Variants in DHX57 observed in about 807,000 individuals in gnomAD.
DHX57 encodes DExH-box helicase 57.
A neutral mutation model predicts 156.2 loss-of-function variants in DHX57; 105 were observed. The observed-to-expected ratio is 0.67, with a 90% CI of 0.57 to 0.79. DHX57 has a LOEUF of 0.79. DHX57 is among the 30% of genes least tolerant of loss of function. The pLI, the probability that DHX57 is intolerant of heterozygous loss-of-function variation, is 0.00. For missense variants in DHX57, 1,847 were observed against 1,661.9 expected (o/e 1.11, Z -1.94); for synonymous variants, 704 against 595.6 (o/e 1.18, Z -2.65).
chr2:38,823,732 C>A (rs1670945885), intron 16 of DHX57, among the ~76,000 whole-genome samples: 1 of 152,178 alleles, frequency 6.6e-6, no homozygotes. Context: ...TGCAGAGAGG[C>A]CACGCGCAGT....
intron 1 of DHX57, 25 bp from the exon 2 acceptor site, chr2:38,868,436 G>A (rs751607442): frequency 6.9e-6 from 11 of 1,604,418 alleles, no homozygotes; most frequent in Non-Finnish European, 9.4e-6. Context: ...AATTAATGTA[G>A]ACATCATAAA....
intron 4 of DHX57, 41 bp from the exon 5 acceptor site, chr2:38,861,878 C>T (rs1216360959): frequency 6.6e-6 from 10 of 1,524,106 alleles, no homozygotes; most frequent in African/African-American, 1.4e-5. Context: ...ACATAAAAAG[C>T]AGTATCACAC....
At chr2:38,805,798 C>A (rs1669907736) in intron 22 of DHX57, among the ~76,000 whole-genome samples, 1 of 151,948 alleles carries the variant, frequency 6.6e-6, no homozygotes, top group Non-Finnish European at 1.5e-5. Context: ...TGTTTTCCAG[C>A]AGGAGAGCTC....
intron 1 of DHX57, among the ~76,000 whole-genome samples, chr2:38,873,794 A>T (rs185424631): frequency 2.0e-5 from 3 of 152,256 alleles, no homozygotes; most frequent in African/African-American, 7.2e-5. Flanking sequence ...AAACAAATAG[A>T]TATATATTAT....
rs768692980 is a variant in DHX57, at chr2:38,826,467, A to C, written c.2813+49T>G. On this transcript the variant is annotated intron_variant, in intron 15 of 23. Coordinates refer to ENST00000457308, the MANE Select transcript of DHX57 (RefSeq NM_198963.3). ...TAGCCACTAACAACGGTGTCTCCCT[A>C]AATGAAGCATTTTTAGCCCCTCTCT... 3.8e-6 allele frequency: 6 copies of C among 1,591,936 alleles called. 1 individual carries two copies. In the South Asian group the frequency reaches 6.8e-5, roughly 18 times the overall value.
chr2:38,802,670 C>A, intron 23 of DHX57, 45 bp downstream of exon 23: 1 of 1,606,930 alleles, frequency 6.2e-7, no homozygotes, highest in African/African-American at 1.3e-5. Context: ...TTGTCAAAGC[C>A]CCTCATGGCC....
In DHX57 at chr2:38,807,858, C is replaced by G. The variant is rs536766663; in HGVS notation, c.3682-1165G>C. ...AAGTGGTTTCTCCATGTTGGTCAGG[C>G]TGGTCTCGAACTCCTGACCTCAGGT... On this transcript the variant is annotated intron_variant, in intron 21 of 23. Transcript: ENST00000457308. Among the ~76,000 whole-genome samples the G allele has an allele frequency of 2.7e-5, 4 of 147,796 alleles. No individual in the cohort carries two copies. In the South Asian group the frequency reaches 6.5e-4, roughly 24 times the overall value.
chr2:38,868,525 T>C lies in DHX57; in HGVS notation c.-6-114A>G, dbSNP rs1430274103. 22 of 1,080,140 alleles carry C rather than the reference T, an allele frequency of 2.0e-5. No homozygotes were observed. In the East Asian group the frequency reaches 2.9e-4, roughly 14 times the overall value. 66.9% of individuals were successfully genotyped at this position (1,080,140 alleles called of 1,614,324 possible). On this transcript the variant is annotated intron_variant, in intron 1 of 23. Transcript: ENST00000457308. The stretch of plus-strand genomic sequence containing the variant: ...TTAAAGAAACAAAGGAAAATGCATA[T>C]GTAAAAAGAGCTGGTCTTGGGGCAG...
chr2:38,874,028 T>C (rs2124958749), intron 1 of DHX57, among the ~76,000 whole-genome samples: 1 of 152,310 alleles, frequency 6.6e-6, no homozygotes, highest in South Asian at 2.1e-4. Context: ...AGAACCTGCA[T>C]AGAGGAAAAG....
chr2:38,870,084 G>A (rs1230669307), intron 1 of DHX57, among the ~76,000 whole-genome samples: 1 of 152,084 alleles, frequency 6.6e-6, no homozygotes, highest in Non-Finnish European at 1.5e-5. Context: ...ATTCACTAGA[G>A]AAGCTCAACC....
chr2:38,861,238 T>G lies in DHX57; in HGVS notation c.1172A>C (p.Glu391Ala). ...LPLACRLHISEFLYDKALTFA... is the reference protein window; with the variant it reads ...LPLACRLHISAFLYDKALTFA... The stretch of plus-strand genomic sequence containing the variant: ...TGTCAAGGCCTTGTCATAAAGAAAC[T>G]CAGAAATATGTAAACGACAAGCCAG... Residue 391 changes from glutamate (E) to alanine (A), a missense_variant, in exon 5 of 24, where the codon GAG becomes GCG. Glu to Ala is a moderately radical substitution (Grantham distance 107). Transcript: ENST00000457308. 1 of 1,614,108 alleles carries G rather than the reference T, an allele frequency of 6.2e-7. No homozygotes were observed.
rs768632813 is a variant in DHX57, at chr2:38,818,972, A to G, written c.3388-12T>C. 1 of 1,614,188 alleles carries G rather than the reference A, an allele frequency of 6.2e-7. No individual in the cohort carries two copies. The highest frequency in any genetic ancestry group is 2.2e-5 in the East Asian group (1 of 44,888). The stretch of plus-strand genomic sequence containing the variant: ...CTTAGCTGCCATCCCTAAATTTTGG[A>G]GAAAATCAAACTGAACTTACTCAGT... On this transcript the variant is annotated splice_polypyrimidine_tract_variant and intron_variant, in intron 18 of 23. Coordinates refer to ENST00000457308, the MANE Select transcript of DHX57 (RefSeq NM_198963.3).
intron 1 of DHX57, among the ~76,000 whole-genome samples, chr2:38,874,846 A>C (rs1028984618): frequency 1.1e-4 from 16 of 152,234 alleles, no homozygotes; most frequent in Non-Finnish European, 2.4e-4. Flanking sequence ...AACAGGCAAG[A>C]AAAATAACAG....
At chr2:38,855,392 T>G (rs1672846286) in intron 7 of DHX57, 140 bp from the exon 8 acceptor site, 10 of 875,380 alleles carry the variant, frequency 1.1e-5, no homozygotes, top group Non-Finnish European at 1.8e-5. Context: ...TAAAACAACC[T>G]CCTGACTTAT....
chr2:38,825,905 G>C lies in DHX57; in HGVS notation c.2956C>G (p.Leu986Val). Residue 986 changes from leucine (L) to valine (V), a missense_variant, in exon 16 of 24, where the codon CTT becomes GTT. Leu to Val is a conservative substitution (Grantham distance 32). Coordinates refer to ENST00000457308, the MANE Select transcript of DHX57 (RefSeq NM_198963.3). The stretch of plus-strand genomic sequence containing the variant: ...ATTTCTGGTAGCTGTTGTTTTAAAA[G>C]CTGGTGATTGTAGTGATGGCTAGTG... Reference protein sequence around the residue: ...LFTSHHYNHQLLKQQLPEIQR... With the variant: ...LFTSHHYNHQVLKQQLPEIQR... The C allele has an allele frequency of 6.2e-7, 1 of 1,614,186 alleles. No individual in the cohort carries two copies. The highest frequency in any genetic ancestry group is 8.5e-7 in the Non-Finnish European group (1 of 1,180,008).
chr2:38,874,327 G>C (rs1004423752), intron 1 of DHX57, among the ~76,000 whole-genome samples: 1 of 151,682 alleles, frequency 6.6e-6, no homozygotes, highest in African/African-American at 2.4e-5. Flanking sequence ...CTGAGCTCAA[G>C]CAATCGTCTC....
At chr2:38,850,848 G>C (rs909873358) in intron 9 of DHX57, among the ~76,000 whole-genome samples, 2 of 152,092 alleles carry the variant, frequency 1.3e-5, no homozygotes, top group African/African-American at 4.8e-5. Context: ...GCCAAGGCGA[G>C]CATATCACTT....
At chr2:38,862,384 A>G in intron 3 of DHX57, 51 bp from the exon 4 acceptor site, 1 of 1,410,210 alleles carries the variant, frequency 7.1e-7, no homozygotes, top group Non-Finnish European at 9.3e-7. Flanking sequence ...TACTTACTTC[A>G]AAGAAAAATT....
At position 38,826,593 on chromosome 2, in the gene DHX57, G is replaced by A. The variant is rs2148564812; in HGVS notation, c.2736C>T (p.Ser912=). 1 of 1,614,084 alleles carries A rather than the reference G, an allele frequency of 6.2e-7. No homozygotes were observed. Among genetic ancestry groups the A allele is most frequent in the East Asian group, 2.2e-5 (1 of 44,876 alleles). ...PPAGVTKIII[S]TNIAETSITI... ...TTATGGATGTCTCAGCAATGTTGGT[G>A]GAAATTATAATCTTAGTTACTCCTG... Residue 912 remains serine, a synonymous_variant, in exon 15 of 24, where the codon TCC becomes TCT. Transcript: ENST00000457308.
Sources: allele counts gnomAD v4.1 joint callset (sites outside exome capture counted in the v4.1 genomes callset), GRCh38; gene constraint gnomAD v4.1.1; transcripts MANE v1.5; gene names NCBI Gene and HGNC (gene_info 2026-07-23, HGNC 2026-07-21).